STAB2: variants seen among roughly 807,000 people sequenced by gnomAD.
STAB2 encodes stabilin 2.
STAB2 carries 288 observed loss-of-function variants against 338.1 expected under a neutral mutation model. That is an observed-to-expected ratio of 0.85 (90% CI 0.77 to 0.94). The LOEUF is 0.94. Among genes scored for constraint, STAB2 ranks in the 40% least tolerant of loss-of-function variants. STAB2 has a pLI of 0.00. For missense variants in STAB2, 3,141 were observed against 3,210.1 expected, an observed-to-expected ratio of 0.98 and a Z score of 0.52; for synonymous variants, 1,202 against 1,193.3, an observed-to-expected ratio of 1.01 and a Z score of -0.15.
At chr12:103,737,602 TTC>T (rs771355124) in intron 52 of STAB2, 30 bp from the exon 53 acceptor site, 4 of 983,722 alleles carry the variant, frequency 4.1e-6, no homozygotes, top group Admixed American at 7.6e-5. Context: ...CTCTCTCTCT[TTC>T]TCTTTTTTTT....
At chr12:103,675,791 A>G (rs1468064495) in intron 23 of STAB2, 137 bp from the exon 24 acceptor site, 6 of 619,084 alleles carry the variant, frequency 9.7e-6, no homozygotes, top group Non-Finnish European at 1.7e-5. Context: ...CCCCGACCAC[A>G]TTTGAGCGCT....
chr12:103,667,371 G>C (rs1399558958), intron 19 of STAB2, among the ~76,000 whole-genome samples: 5 of 152,152 alleles, frequency 3.3e-5, no homozygotes, highest in African/African-American at 1.2e-4. Context: ...TTATGCAGCA[G>C]CCCCACGAGG....
At chr12:103,669,931 A>G (rs1005480228) in intron 21 of STAB2, among the ~76,000 whole-genome samples, 2 of 152,210 alleles carry the variant, frequency 1.3e-5, no homozygotes, top group Non-Finnish European at 2.9e-5. Context: ...GTTGACCTGC[A>G]TTGATCTTCA....
intron 3 of STAB2, among the ~76,000 whole-genome samples, chr12:103,608,102 CGTT>C (rs1443016638): frequency 6.6e-6 from 1 of 152,166 alleles, no homozygotes; most frequent in African/African-American, 2.4e-5. Flanking sequence ...GATGGTATCT[CGTT>C]GTGGTTTTGA....
At chr12:103,601,019 ATAT>A (rs999303651) in intron 3 of STAB2, among the ~76,000 whole-genome samples, 5 of 152,244 alleles carry the variant, frequency 3.3e-5, no homozygotes, top group Admixed American at 2.0e-4. Flanking sequence ...TCTATGCAAA[ATAT>A]TATAAGTAGT....
chr12:103,761,979 T>C (rs550541951), intron 66 of STAB2, among the ~76,000 whole-genome samples: 1 of 151,948 alleles, frequency 6.6e-6, no homozygotes, highest in East Asian at 1.9e-4. Context: ...CAGACTGGGT[T>C]CAAAGCCCAC....
At chr12:103,731,538 A>G in intron 49 of STAB2, 38 bp from the exon 50 acceptor site, 1 of 1,607,740 alleles carries the variant, frequency 6.2e-7, no homozygotes, top group Non-Finnish European at 8.5e-7. Context: ...TAAACTGTAT[A>G]AGGAAAAGTT....
At position 103,703,177 on chromosome 12, in the gene STAB2, C is replaced by T; in HGVS notation, c.3744C>T (p.Tyr1248=). The T allele has an allele frequency of 6.2e-7, 1 of 1,613,950 alleles. No homozygotes were observed. Among genetic ancestry groups the T allele is most frequent in the Non-Finnish European group, 8.5e-7 (1 of 1,180,024 alleles). The part of the protein sequence containing the change: ...QLYVNEAPIN[Y]TNVATDKGVI... The stretch of plus-strand genomic sequence containing the variant: ...ATGTAAATGAGGCTCCAATAAACTA[C>T]ACCAATGTAGCCACTGATAAGGGAG... Residue 1248 remains tyrosine (Y), a synonymous_variant, in exon 35 of 69, where the codon TAC becomes TAT. Transcript: ENST00000388887.
chr12:103,659,106 G>A (rs536298150), intron 15 of STAB2, among the ~76,000 whole-genome samples: 1 of 152,342 alleles, frequency 6.6e-6, no homozygotes, highest in South Asian at 2.1e-4. Context: ...TTCCAGGGCT[G>A]GCTAACTGGT....
chr12:103,622,941 T>C (rs1294403303), intron 5 of STAB2, among the ~76,000 whole-genome samples: 2 of 152,154 alleles, frequency 1.3e-5, no homozygotes, highest in Non-Finnish European at 2.9e-5. Context: ...CTTTTGGGAG[T>C]TCACAAATAA....
chr12:103,639,692 A>G (rs703622), intron 8 of STAB2, among the ~76,000 whole-genome samples: 138,419 of 143,134 alleles, frequency 0.97, 67,058 homozygotes, highest in African/African-American at 0.99. Context: ...CAACCAGAGT[A>G]AGACCCTGTC....
intron 33 of STAB2, among the ~76,000 whole-genome samples, chr12:103,696,523 T>C (rs2138935753): frequency 6.6e-6 from 1 of 152,356 alleles, no homozygotes; most frequent in Admixed American, 6.5e-5. Context: ...AGAGGTCATT[T>C]GGACTTAGTC....
At chr12:103,619,358 A>T (rs896350792) in intron 3 of STAB2, among the ~76,000 whole-genome samples, 1 of 152,098 alleles carries the variant, frequency 6.6e-6, no homozygotes, top group Non-Finnish European at 1.5e-5. Context: ...TCAACTCAGC[A>T]CTCAAAGTGT....
intron 23 of STAB2, 110 bp downstream of exon 23, chr12:103,674,197 C>G: frequency 7.9e-7 from 1 of 1,258,490 alleles, no homozygotes; most frequent in South Asian, 1.5e-5. Context: ...TATCTGAACT[C>G]TGAACTGAGG....
chr12:103,735,398 G>A, intron 51 of STAB2, 93 bp from the exon 52 acceptor site: 1 of 720,268 alleles, frequency 1.4e-6, no homozygotes, highest in South Asian at 2.2e-5. Context: ...GGAAAAATTT[G>A]CATCTGAATT....
At chr12:103,613,260 G>A (rs955128508) in intron 3 of STAB2, among the ~76,000 whole-genome samples, 1 of 152,194 alleles carries the variant, frequency 6.6e-6, no homozygotes, top group East Asian at 1.9e-4. Context: ...GCTGCCTTTT[G>A]TTTGGCTATG....
rs746625871 is a variant in STAB2, at chr12:103,737,621, T to A, written c.5551-13T>A. ...CTCTCTTTCTCTTTTTTTTTTTTTTTTTTCTTTCTTAGGGTGACCTCTTTC... is the reference window on the plus strand; with the variant it reads ...CTCTCTTTCTCTTTTTTTTTTTTTTATTTCTTTCTTAGGGTGACCTCTTTC... On this transcript the variant is annotated splice_polypyrimidine_tract_variant and intron_variant, in intron 52 of 68. Transcript: ENST00000388887. 5 of 1,536,020 alleles carry A rather than the reference T, an allele frequency of 3.3e-6. No homozygotes were observed. In the East Asian group the frequency reaches 1.2e-4, roughly 36 times the overall value.
chr12:103,675,583 T>C (rs890243186), intron 23 of STAB2, among the ~76,000 whole-genome samples: 24 of 152,410 alleles, frequency 1.6e-4, no homozygotes, highest in African/African-American at 5.8e-4. Flanking sequence ...ATTTATGATC[T>C]GCAAGCGCTC....
Position 103,638,022 on chromosome 12 carries a change from A to G in STAB2, c.716A>G (p.Asn239Ser), listed in dbSNP as rs752380301. Residue 239 changes from asparagine (N) to serine (S), a missense_variant, in exon 8 of 69, where the codon AAT becomes AGT. Asn to Ser is a conservative substitution (Grantham distance 46). Coordinates refer to ENST00000388887, the MANE Select transcript of STAB2 (RefSeq NM_017564.10). Reference sequence around the variant, plus strand: ...TTTGCTGTTGCCTCTCAAGCCATCAATCCATGTTTACGAAAAATCTGCCAC... The same window carrying G: ...TTTGCTGTTGCCTCTCAAGCCATCAGTCCATGTTTACGAAAAATCTGCCAC... ...RGDGKYCDPINPCLRKICHPH... is the reference protein window; with the variant it reads ...RGDGKYCDPISPCLRKICHPH... 1.2e-6 allele frequency: 2 copies of G among 1,610,978 alleles called. No individual in the cohort carries two copies. The highest frequency in any genetic ancestry group is 1.7e-5 in the Admixed American group (1 of 59,968).
Sources: gnomAD v4.1 joint callset for allele counts (sites outside exome capture counted in the v4.1 genomes callset) on GRCh38, gnomAD v4.1.1 for gene constraint, MANE v1.5 for transcripts, NCBI Gene and HGNC (gene_info 2026-07-23, HGNC 2026-07-21) for gene names.